Variants in PTPRN2 observed in about 807,000 individuals in gnomAD.
PTPRN2 encodes protein tyrosine phosphatase receptor type N2, also known as receptor-type tyrosine-protein phosphatase N2.
In PTPRN2, 74 loss-of-function variants were observed where a neutral mutation model predicts 118.8. The ratio of observed to expected loss-of-function variants is 0.62; its 90% CI spans 0.52 to 0.76. PTPRN2 has a LOEUF of 0.76. PTPRN2 is among the 30% of genes least tolerant of loss of function. The pLI is 0.00. For synonymous variants in PTPRN2, 641 were observed against 608.0 expected, an observed-to-expected ratio of 1.05 and a Z score of -0.80; for missense variants, 1,481 against 1,394.4, an observed-to-expected ratio of 1.06 and a Z score of -0.99.
At position 158,375,799 on chromosome 7, in the gene PTPRN2, G is replaced by T. The variant is rs564166848; in HGVS notation, c.164-58867C>A. 2.0e-4 allele frequency among the ~76,000 whole-genome samples: 31 copies of T among 152,144 alleles called. No homozygotes were observed. The East Asian group carries it at 6.0e-3, about 30-fold the overall frequency. On this transcript the variant is annotated intron_variant, in intron 2 of 22. Transcript: ENST00000389418. ...AGCGTGTGAATGTCAAGAGGAGTTC[G>T]GCTGGGGACAGTCAGAAAGGAGATT...
At chr7:158,350,628 G>A (rs1418129834) in intron 2 of PTPRN2, among the ~76,000 whole-genome samples, 4 of 152,186 alleles carry the variant, frequency 2.6e-5, no homozygotes, top group Non-Finnish European at 4.4e-5. Flanking sequence ...GCCAGGCTGT[G>A]CAGGAAGGAA....
intron 21 of PTPRN2, among the ~76,000 whole-genome samples, chr7:157,559,834 C>A (rs531151019): frequency 4.6e-5 from 7 of 152,292 alleles, no homozygotes; most frequent in East Asian, 3.9e-4. Flanking sequence ...TGGCCCCCCC[C>A]GCCCCGTCTC....
rs1275014594 is a variant in PTPRN2, at chr7:158,574,349, T to C, written c.112+13209A>G. Reference sequence around the variant, plus strand: ...ATCATTAGTGATGTTTAATTTCTCATTCTCTTAAATTTGTTTTGAATTTTT... The same window carrying C: ...ATCATTAGTGATGTTTAATTTCTCACTCTCTTAAATTTGTTTTGAATTTTT... On this transcript the variant is annotated intron_variant, in intron 1 of 22. Transcript: ENST00000389418. The surrounding 1 kb of genome is among the most constrained non-coding windows in gnomAD (Gnocchi z 4.6). Among the ~76,000 whole-genome samples the C allele has an allele frequency of 1.3e-5, 2 of 152,264 alleles. No individual in the cohort carries two copies. The highest frequency in any genetic ancestry group is 2.9e-5 in the Non-Finnish European group (2 of 68,040).
intron 12 of PTPRN2, among the ~76,000 whole-genome samples, chr7:157,731,030 C>A (rs1799868428): frequency 6.6e-6 from 1 of 152,150 alleles, no homozygotes; most frequent in Non-Finnish European, 1.5e-5. Context: ...GTCTCCTGAA[C>A]TCCCAGCCCT....
At chr7:158,123,369 C>T (rs1229627323) in intron 9 of PTPRN2, among the ~76,000 whole-genome samples, 1 of 152,236 alleles carries the variant, frequency 6.6e-6, no homozygotes, top group Non-Finnish European at 1.5e-5. Context: ...CAGTATCCTA[C>T]AGACACCACG....
chr7:158,200,037 C>A (rs1162458702), intron 4 of PTPRN2, among the ~76,000 whole-genome samples: 1 of 152,000 alleles, frequency 6.6e-6, no homozygotes, highest in Non-Finnish European at 1.5e-5. Flanking sequence ...AAACGAGCCA[C>A]AATCCACGTA....
At chr7:158,353,920 C>T (rs1238274347) in intron 2 of PTPRN2, among the ~76,000 whole-genome samples, 2 of 152,088 alleles carry the variant, frequency 1.3e-5, no homozygotes, top group Non-Finnish European at 2.9e-5. Context: ...TGGCCAGAGA[C>T]AAAGGTGGGG....
intron 12 of PTPRN2, among the ~76,000 whole-genome samples, chr7:157,766,267 C>G: frequency 6.6e-6 from 1 of 150,848 alleles, no homozygotes; most frequent in East Asian, 2.0e-4. Flanking sequence ...TCCATCCATC[C>G]TTCCATCCAT....
At chr7:158,073,860 G>A (rs1380997376) in intron 11 of PTPRN2, among the ~76,000 whole-genome samples, 1 of 152,208 alleles carries the variant, frequency 6.6e-6, no homozygotes, top group African/African-American at 2.4e-5. Flanking sequence ...AGAGAGCCAA[G>A]TGGACAGCAG....
intron 12 of PTPRN2, among the ~76,000 whole-genome samples, chr7:157,790,182 G>A (rs1437179369): frequency 1.4e-5 from 2 of 142,668 alleles, no homozygotes; most frequent in Admixed American, 1.4e-4. Context: ...TGTGTGTATG[G>A]TGGTGTGTGT....
intron 10 of PTPRN2, among the ~76,000 whole-genome samples, chr7:158,105,451 A>G (rs1157423105): frequency 6.7e-6 from 1 of 148,160 alleles, no homozygotes; most frequent in Non-Finnish European, 1.5e-5. Context: ...GCTCCATCAA[A>G]CTCCACCCTA....
chr7:158,422,428 G>A (rs143579891), intron 2 of PTPRN2, among the ~76,000 whole-genome samples: 2 of 152,190 alleles, frequency 1.3e-5, no homozygotes, highest in Admixed American at 6.5e-5. Flanking sequence ...ACGGAATTGA[G>A]CCGGAAAACT....
intron 11 of PTPRN2, among the ~76,000 whole-genome samples, chr7:158,041,875 G>A (rs755824139): frequency 2.6e-5 from 4 of 152,034 alleles, no homozygotes; most frequent in East Asian, 1.9e-4. Flanking sequence ...TCCTACCCAC[G>A]GCTGAGTCTG....
chr7:157,748,735 T>G (rs1801221682), intron 12 of PTPRN2, among the ~76,000 whole-genome samples: 2 of 130,740 alleles, frequency 1.5e-5, no homozygotes, highest in Admixed American at 1.5e-4. Context: ...GTCCCTGAGC[T>G]GTGGGCTGTC....
chr7:158,189,843 G>A (rs1825621978), intron 5 of PTPRN2, among the ~76,000 whole-genome samples: 1 of 152,230 alleles, frequency 6.6e-6, no homozygotes, highest in Non-Finnish European at 1.5e-5. Context: ...ACACAGCGGG[G>A]CAGAGGAGGA....
chr7:157,728,272 T>A (rs886284045), intron 12 of PTPRN2, among the ~76,000 whole-genome samples: 21 of 152,206 alleles, frequency 1.4e-4, no homozygotes, highest in Non-Finnish European at 2.5e-4. Flanking sequence ...CAGGCCACCC[T>A]CAGCCCCATG....
At chr7:157,792,575 C>A (rs780926608) in intron 12 of PTPRN2, among the ~76,000 whole-genome samples, 2 of 152,232 alleles carry the variant, frequency 1.3e-5, no homozygotes, top group Non-Finnish European at 2.9e-5. Flanking sequence ...TCTTTGCCTG[C>A]TCCCCAGTGT....
intron 12 of PTPRN2, among the ~76,000 whole-genome samples, chr7:157,771,131 C>G (rs59576818): frequency 0.058 from 8,768 of 152,320 alleles, 288 homozygotes; most frequent in Middle Eastern, 0.075. Flanking sequence ...CATGCAGAGG[C>G]CCAGAGCTCC....
chr7:158,132,916 G>A (rs1322358257), intron 9 of PTPRN2, among the ~76,000 whole-genome samples: 3 of 152,238 alleles, frequency 2.0e-5, no homozygotes, highest in East Asian at 1.9e-4. Context: ...CATCCAGGCA[G>A]ACACGTCCTT....
Sources: gnomAD v4.1 joint callset for allele counts (sites outside exome capture counted in the v4.1 genomes callset) on GRCh38, gnomAD v4.1.1 for gene constraint, Gnocchi (gnomAD v3.1) non-coding constraint, MANE v1.5 for transcripts, NCBI Gene and HGNC (gene_info 2026-07-23, HGNC 2026-07-21) for gene names.